CLIC1: variants seen among roughly 807,000 people sequenced by gnomAD.
CLIC1 encodes the protein chloride intracellular channel protein 1.
Under a neutral mutation model 26.4 loss-of-function variants are expected in CLIC1, and 16 were observed. The ratio of observed to expected loss-of-function variants is 0.61; its 90% CI spans 0.41 to 0.92. The LOEUF is 0.92. Ranked by LOEUF, CLIC1 falls within the 40% of genes least tolerant of loss-of-function variation. CLIC1 has a pLI of 0.00. For missense variants in CLIC1, 225 were observed against 289.7 expected (o/e 0.78, Z 1.62); for synonymous variants, 98 against 120.8 (o/e 0.81, Z 1.24).
Position 31,733,653 on chromosome 6 carries a change from G to C in CLIC1, c.295C>G (p.Leu99Val). The change falls in exon 4 of 6, where the codon CTG becomes GTG. Residue 99 changes from leucine (L) to valine (V), a missense_variant. Physicochemically the swap from Leu to Val is conservative, Grantham distance 32 (BLOSUM62 1). Coordinates refer to ENST00000375784, the Ensembl canonical transcript of CLIC1. This position sits in a 1 kb window ranked among gnomAD's most constrained non-coding sequence, Gnocchi z 5.4. ...CCAGCTGTGTTGGACTCAGGGTTCA[G>C]AGCTGCCAGCTTGGGGTACCTGAAA... The C allele has an allele frequency of 6.2e-7, 1 of 1,613,098 alleles. No homozygotes were observed. The highest frequency in any genetic ancestry group is 2.2e-5 in the East Asian group (1 of 44,892).
Position 31,734,555 on chromosome 6 carries a change from G to A in CLIC1, c.40-292C>T, listed in dbSNP as rs1280295977. The stretch of plus-strand genomic sequence containing the variant: ...GAGGATCTGAATCCTAGAGAGGGAA[G>A]GGTGTGGAACTTCAGTGAGGCCAGA... On this transcript the variant is annotated intron_variant, in intron 1 of 5. Transcript: ENST00000375784. This position sits in a 1 kb window ranked among gnomAD's most constrained non-coding sequence, Gnocchi z 5.3. Among the ~76,000 whole-genome samples the A allele has an allele frequency of 6.6e-6, 1 of 152,222 alleles. No homozygotes were observed. Among genetic ancestry groups the A allele is most frequent in the African/African-American group, 2.4e-5 (1 of 41,462 alleles).
Position 31,733,899 on chromosome 6 carries a change from G to A in CLIC1, c.212C>T (p.Thr71Ile). The A allele has an allele frequency of 6.2e-7, 1 of 1,614,010 alleles. No homozygotes were observed. Among genetic ancestry groups the A allele is most frequent in the African/African-American group, 1.3e-5 (1 of 74,988 alleles). ...CTTGTTGGTGTCTGTGTGCACTTCA[G>A]TGCCATACAGCAGGAATGGGAGCTG... Residue 71 changes from threonine (T) to isoleucine (I), a missense_variant, in exon 3 of 6, where the codon ACT (threonine) becomes ATT (isoleucine). Thr to Ile is a moderately conservative substitution (Grantham distance 89). Coordinates refer to ENST00000375784, the Ensembl canonical transcript of CLIC1. The surrounding 1 kb of genome is among the most constrained non-coding windows in gnomAD (Gnocchi z 5.4).
rs918362483 is a variant in CLIC1 at position 31,733,073 on chromosome 6, T to C, written c.382+493A>G. ...GCAGGCAGAGGTTGCAGTGAGCTGA[T>C]TGCACCACTGCACTCCAGCCTGGGC... On this transcript the variant is annotated intron_variant, in intron 4 of 5. Coordinates refer to ENST00000375784, the Ensembl canonical transcript of CLIC1. This position sits in a 1 kb window ranked among gnomAD's most constrained non-coding sequence, Gnocchi z 5.4. Among the ~76,000 whole-genome samples, 1 of 151,556 alleles carries C rather than the reference T, an allele frequency of 6.6e-6. No homozygotes were observed. The highest frequency in any genetic ancestry group is 2.4e-5 in the African/African-American group (1 of 41,244).
chr6:31,736,142 C>T lies in CLIC1; in HGVS notation c.39+120G>A. On this transcript the variant is annotated intron_variant, in intron 1 of 5. Transcript: ENST00000375784. This position sits in a 1 kb window ranked among gnomAD's most constrained non-coding sequence, Gnocchi z 5.0. ...AAAACCACCCCTCAACCAAAGAGTG[C>T]ACGTGGGATTGGGGGTGGGAGTCAA... The T allele has an allele frequency of 1.0e-6, 1 of 995,164 alleles. No individual in the cohort carries two copies. The highest frequency in any genetic ancestry group is 1.6e-6 in the Non-Finnish European group (1 of 627,558). The allele number at this position is 995,164 out of a possible 1,614,324, so 61.6% of individuals were successfully genotyped here. A position where few individuals can be genotyped will look rare whatever the true frequency, so the allele number is the denominator to read the frequency against.
At chr6:31,731,770 T>A (rs1425899665) in intron 5 of CLIC1, among the ~76,000 whole-genome samples, 1 of 152,240 alleles carries the variant, frequency 6.6e-6, no homozygotes, top group African/African-American at 2.4e-5. Context: ...CAGGCCCATG[T>A]TGCACAAACT....
At chr6:31,731,069 C>T (rs1807898334) in intron 5 of CLIC1, 66 bp from the exon 6 acceptor site, 7 of 1,430,374 alleles carry the variant, frequency 4.9e-6, no homozygotes, top group Non-Finnish European at 6.8e-6. Flanking sequence ...GCTTTCCCTT[C>T]TCCCCAGGCC....
rs187644190 is a variant in CLIC1 at position 31,733,107 on chromosome 6, G to A, written c.382+459C>T. Among the ~76,000 whole-genome samples the A allele has an allele frequency of 1.2e-4, 18 of 150,326 alleles. No individual in the cohort carries two copies. Among genetic ancestry groups the A allele is most frequent in the Non-Finnish European group, 2.4e-4 (16 of 67,724 alleles). On this transcript the variant is annotated intron_variant, in intron 4 of 5. Transcript: ENST00000375784. The surrounding 1 kb of genome is among the most constrained non-coding windows in gnomAD (Gnocchi z 5.4). ...TGCACTCCAGCCTGGGCGACAGAACGAGACTCCATCTCAAAAAAAAAGAAA... is the reference window on the plus strand; with the variant it reads ...TGCACTCCAGCCTGGGCGACAGAACAAGACTCCATCTCAAAAAAAAAGAAA...
chr6:31,736,745 T>C, upstream of CLIC1: 5 of 1,010,704 alleles, frequency 4.9e-6, no homozygotes, highest in Non-Finnish European at 5.9e-6. The surrounding 1 kb of genome is among the most constrained non-coding windows in gnomAD (Gnocchi z 5.0). Flanking sequence ...CCCTGCTTCA[T>C]TAATCTGAGT....
chr6:31,737,068 G>T, upstream of CLIC1: 1 of 386,670 alleles, frequency 2.6e-6, no homozygotes, highest in Non-Finnish European at 3.5e-6. Flanking sequence ...TACTGTCTCC[G>T]GGCCCAGCTC....
chr6:31,733,915 A>G lies in CLIC1; in HGVS notation c.196T>C (p.Phe66Leu). The G allele has an allele frequency of 6.2e-7, 1 of 1,614,004 alleles. No individual in the cohort carries two copies. The highest frequency in any genetic ancestry group is 1.1e-5 in the South Asian group (1 of 91,082). ...TGCACTTCAGTGCCATACAGCAGGA[A>G]TGGGAGCTGCCCCCCTGGGCACAGC... Residue 66 changes from phenylalanine to leucine, a missense_variant, in exon 3 of 6, where the codon TTC becomes CTC. Phe to Leu is a conservative substitution (Grantham distance 22). Coordinates refer to ENST00000375784, the Ensembl canonical transcript of CLIC1. This position sits in a 1 kb window ranked among gnomAD's most constrained non-coding sequence, Gnocchi z 5.4.
rs1224705917 is a variant in CLIC1 at position 31,733,982 on chromosome 6, C to T, written c.150-21G>A. 1 of 1,609,948 alleles carries T rather than the reference C, an allele frequency of 6.2e-7. No homozygotes were observed. Among genetic ancestry groups the T allele is most frequent in the Non-Finnish European group, 8.5e-7 (1 of 1,177,474 alleles). Reference sequence around the variant, plus strand: ...TCCGCCTGGAGAAAGGATCAGGAATCAGGACTGGAAATGGGGGTCAGGAAG... The same window carrying T: ...TCCGCCTGGAGAAAGGATCAGGAATTAGGACTGGAAATGGGGGTCAGGAAG... On this transcript the variant is annotated intron_variant, in intron 2 of 5. Transcript: ENST00000375784. This position sits in a 1 kb window ranked among gnomAD's most constrained non-coding sequence, Gnocchi z 5.4.
Position 31,733,353 on chromosome 6 carries a change from AG to A in CLIC1, c.382+212del, listed in dbSNP as rs747083776. The stretch of plus-strand genomic sequence containing the variant: ...ACTAACGTCCTCAGTGGGGCAGAAG[AG>A]GCTAGGGAACAAATGAGAAAAGCTT... On this transcript the variant is annotated intron_variant, in intron 4 of 5. Coordinates refer to ENST00000375784, the Ensembl canonical transcript of CLIC1. The surrounding 1 kb of genome is among the most constrained non-coding windows in gnomAD (Gnocchi z 5.4). Among the ~76,000 whole-genome samples, 1 of 152,218 alleles carries A rather than the reference AG, an allele frequency of 6.6e-6. No individual in the cohort carries two copies. Among genetic ancestry groups the A allele is most frequent in the Non-Finnish European group, 1.5e-5 (1 of 68,032 alleles).
rs1338634824 is a variant in CLIC1 at position 31,733,478 on chromosome 6, C to G, written c.382+88G>C. The G allele has an allele frequency of 7.8e-6, 7 of 896,668 alleles. No homozygotes were observed. Among genetic ancestry groups the G allele is most frequent in the East Asian group, 2.5e-5 (1 of 40,236 alleles). 55.5% of individuals were successfully genotyped at this position (896,668 alleles called of 1,614,324 possible). On this transcript the variant is annotated intron_variant, in intron 4 of 5. Coordinates refer to ENST00000375784, the Ensembl canonical transcript of CLIC1. This position sits in a 1 kb window ranked among gnomAD's most constrained non-coding sequence, Gnocchi z 5.4. The stretch of plus-strand genomic sequence containing the variant: ...AACATCTGCTTCATCTCCCTGATAT[C>G]TGAACGTCCAGGTGCCCCTAATGTC...
At position 31,734,078 on chromosome 6, in the gene CLIC1, C is replaced by T; in HGVS notation, c.149+76G>A. 1 of 1,583,186 alleles carries T rather than the reference C, an allele frequency of 6.3e-7. No individual in the cohort carries two copies. Among genetic ancestry groups the T allele is most frequent in the Non-Finnish European group, 8.7e-7 (1 of 1,153,038 alleles). ...AGGGGGAGGGCAAAAATGTTCATGA[C>T]AGAAGGACTCGGGTGGGTGTGTGTT... On this transcript the variant is annotated intron_variant, in intron 2 of 5. Transcript: ENST00000375784. This position sits in a 1 kb window ranked among gnomAD's most constrained non-coding sequence, Gnocchi z 5.3.
Position 31,730,945 on chromosome 6 carries a change from CG to C in CLIC1, c.622del (p.Arg208GlyfsTer3). 2 of 1,613,014 alleles carry C rather than the reference CG, an allele frequency of 1.2e-6. No homozygotes were observed. The highest frequency in any genetic ancestry group is 1.7e-6 in the Non-Finnish European group (2 of 1,180,000). On this transcript the variant is annotated frameshift_variant, in exon 6 of 6. Transcript: ENST00000375784. LOFTEE classifies it high-confidence loss of function. This position sits in a 1 kb window ranked among gnomAD's most constrained non-coding sequence, Gnocchi z 5.1. ...CCGGGCGTAGGCATTGCTCAAGTAC[CG>C]ATGCACTCCCCGGAAGGCCTCGGGG...
At position 31,734,286 on chromosome 6, in the gene CLIC1, G is replaced by A. The variant is rs1311579524; in HGVS notation, c.40-23C>T. On this transcript the variant is annotated intron_variant, in intron 1 of 5. Coordinates refer to ENST00000375784, the Ensembl canonical transcript of CLIC1. The surrounding 1 kb of genome is among the most constrained non-coding windows in gnomAD (Gnocchi z 5.3). ...AGCCTGAAAAGTAACCCCAACCCAA[G>A]GTTATGCCTGATGCACCCCACCCAT... 1 of 1,587,288 alleles carries A rather than the reference G, an allele frequency of 6.3e-7. No homozygotes were observed. The highest frequency in any genetic ancestry group is 1.7e-5 in the Admixed American group (1 of 59,616).
rs931328335 is a variant in CLIC1 at position 31,734,904 on chromosome 6, C to T, written c.40-641G>A. 2.6e-5 allele frequency among the ~76,000 whole-genome samples: 4 copies of T among 152,042 alleles called. No homozygotes were observed. The highest frequency in any genetic ancestry group is 9.7e-5 in the African/African-American group (4 of 41,388). Reference sequence around the variant, plus strand: ...GGGGGAAGGGACAGTGAGGATGAGGCCTGGGCAGCTAAGGCTACCCCTAAC... The same window carrying T: ...GGGGGAAGGGACAGTGAGGATGAGGTCTGGGCAGCTAAGGCTACCCCTAAC... On this transcript the variant is annotated intron_variant, in intron 1 of 5. Transcript: ENST00000375784. This position sits in a 1 kb window ranked among gnomAD's most constrained non-coding sequence, Gnocchi z 5.3.
At position 31,732,182 on chromosome 6, in the gene CLIC1, A is replaced by G. The variant is rs559946209; in HGVS notation, c.564+35T>C. 6 of 1,410,280 alleles carry G rather than the reference A, an allele frequency of 4.3e-6. No homozygotes were observed. The African/African-American group carries it at 8.8e-5, about 21-fold the overall frequency. The allele number at this position is 1,410,280 out of a possible 1,614,324, so 87.4% of individuals were successfully genotyped here. A position where few individuals can be genotyped will look rare whatever the true frequency, so the allele number is the denominator to read the frequency against. On this transcript the variant is annotated intron_variant, in intron 5 of 5. Transcript: ENST00000375784. The surrounding 1 kb of genome is among the most constrained non-coding windows in gnomAD (Gnocchi z 5.0). The stretch of plus-strand genomic sequence containing the variant: ...TGGGAGCTCCTTAAAGGGCCACTCC[A>G]GTGGTCATCCTCTCCTCCCGCAATA...
chr6:31,735,065 G>A (rs1337978321), intron 1 of CLIC1, among the ~76,000 whole-genome samples: 1 of 151,730 alleles, frequency 6.6e-6, no homozygotes, highest in Non-Finnish European at 1.5e-5. Flanking sequence ...AGAGTGAGGT[G>A]GGGACCACAC....
Sources: allele counts gnomAD v4.1 joint callset (sites outside exome capture counted in the v4.1 genomes callset), GRCh38; gene constraint gnomAD v4.1.1; non-coding constraint Gnocchi (gnomAD v3.1); transcripts MANE v1.5; gene names NCBI Gene and HGNC (gene_info 2026-07-23, HGNC 2026-07-21).